The following GNG12 variants were observed in gnomAD, a reference collection of about 807,000 sequenced individuals.
GNG12 encodes G protein subunit gamma 12, also known as guanine nucleotide-binding protein G(I)/G(S)/G(O) subunit gamma-12.
For missense variants in GNG12, 69 were observed against 83.8 expected (o/e 0.82, Z 0.69); for synonymous variants, 28 against 29.7 (o/e 0.94, Z 0.19).
In GNG12 at chr1:67,819,392, G is replaced by C. The variant is rs145602363; in HGVS notation, c.-77+13952C>G. On this transcript the variant is annotated intron_variant, in intron 1 of 3. Coordinates refer to ENST00000370982, the MANE Select transcript of GNG12 (RefSeq NM_018841.6). The stretch of plus-strand genomic sequence containing the variant: ...AGTTGTGTCTTAGGAAAATTCTACA[G>C]ACTGTGATCTTCGTTTACTGAATTC... 1.9e-3 allele frequency among the ~76,000 whole-genome samples: 291 copies of C among 152,292 alleles called. 3 individuals are homozygous for C. Among genetic ancestry groups the C allele is most frequent in the Non-Finnish European group, 2.0e-3 (135 of 68,028 alleles).
chr1:67,712,948 C>T (rs1407857425), intron 2 of GNG12, among the ~76,000 whole-genome samples: 5 of 151,850 alleles, frequency 3.3e-5, no homozygotes, highest in African/African-American at 9.7e-5. Flanking sequence ...AGGCTGGTCT[C>T]GAACTCCTGA....
chr1:67,777,421 TCAAA>T (rs3831923), intron 2 of GNG12, 33 bp downstream of exon 2: 43,096 of 622,612 alleles, frequency 0.069, 1,496 homozygotes, highest in Admixed American at 0.1. Flanking sequence ...AAAAATAAAG[TCAAA>T]CAGTCACTTT....
At chr1:67,717,213 C>T (rs1646330501) in intron 2 of GNG12, among the ~76,000 whole-genome samples, 1 of 152,106 alleles carries the variant, frequency 6.6e-6, no homozygotes, top group South Asian at 2.1e-4. Flanking sequence ...TAAAAAATGT[C>T]AATTTAAAAG....
rs188034024 is a variant in GNG12, at chr1:67,719,102, T to C, written c.-26-11390A>G. ...AGGCAGGCTGATTCCAGAGGCCCGG[T>C]GCAGAACCTCTATTGCTATACTGTC... is the stretch of plus-strand genomic sequence containing the variant. On this transcript the variant is annotated intron_variant, in intron 2 of 3. Coordinates refer to ENST00000370982, the MANE Select transcript of GNG12 (RefSeq NM_018841.6). Among the ~76,000 whole-genome samples, 227 of 152,286 alleles carry C rather than the reference T, an allele frequency of 1.5e-3. 1 individual carries two copies. Among genetic ancestry groups the C allele is most frequent in the African/African-American group, 5.1e-3 (212 of 41,544 alleles).
At chr1:67,766,040 G>A (rs1024511379) in intron 2 of GNG12, among the ~76,000 whole-genome samples, 1 of 151,430 alleles carries the variant, frequency 6.6e-6, no homozygotes, top group Admixed American at 6.6e-5. Context: ...ATAGCTATAA[G>A]AGTATTCAAC....
chr1:67,741,543 C>T (rs371971283), intron 2 of GNG12, among the ~76,000 whole-genome samples: 4 of 152,218 alleles, frequency 2.6e-5, no homozygotes, highest in Admixed American at 1.3e-4. Flanking sequence ...ACAGCTCATT[C>T]TCAGATTCTG....
At chr1:67,808,865 C>A (rs562697442) in intron 1 of GNG12, among the ~76,000 whole-genome samples, 1 of 152,220 alleles carries the variant, frequency 6.6e-6, no homozygotes, top group East Asian at 1.9e-4. Flanking sequence ...TGTCAGTTCT[C>A]CCTAACTTGA....
At chr1:67,757,101 C>T (rs1415709568) in intron 2 of GNG12, among the ~76,000 whole-genome samples, 4 of 152,180 alleles carry the variant, frequency 2.6e-5, no homozygotes. Flanking sequence ...TTTGTATATA[C>T]ATAATGAGAT....
chr1:67,804,450 C>T (rs1030517911), intron 1 of GNG12, among the ~76,000 whole-genome samples: 1 of 152,090 alleles, frequency 6.6e-6, no homozygotes, highest in Non-Finnish European at 1.5e-5. Flanking sequence ...TAACTCTGTC[C>T]AGTTGAGACA....
intron 1 of GNG12, among the ~76,000 whole-genome samples, chr1:67,778,036 T>C (rs1646716309): frequency 6.6e-6 from 1 of 150,894 alleles, no homozygotes; most frequent in Non-Finnish European, 1.5e-5. Context: ...AGCCACATAC[T>C]ATTAAAACAT....
chr1:67,799,023 C>T (rs1022303774), intron 1 of GNG12, among the ~76,000 whole-genome samples: 3 of 151,992 alleles, frequency 2.0e-5, no homozygotes, highest in African/African-American at 2.4e-5. Context: ...TTTCTTAATA[C>T]GTTTCTCTAG....
chr1:67,810,345 G>T (rs1646918022), intron 1 of GNG12, among the ~76,000 whole-genome samples: 1 of 152,164 alleles, frequency 6.6e-6, no homozygotes, highest in Non-Finnish European at 1.5e-5. Flanking sequence ...ATGTCATCAT[G>T]TATTAGTCAA....
chr1:67,795,797 G>A (rs1229985658), intron 1 of GNG12, among the ~76,000 whole-genome samples: 1 of 152,168 alleles, frequency 6.6e-6, no homozygotes, highest in Non-Finnish European at 1.5e-5. Flanking sequence ...AAAAGGATGT[G>A]GAGTGTGAGG....
intron 2 of GNG12, among the ~76,000 whole-genome samples, chr1:67,775,364 C>T (rs1461912571): frequency 1.3e-5 from 2 of 152,178 alleles, no homozygotes; most frequent in Non-Finnish European, 2.9e-5. Context: ...AGTGCAATCA[C>T]ATCAGAATCA....
intron 2 of GNG12, among the ~76,000 whole-genome samples, chr1:67,775,987 G>A (rs1409046015): frequency 1.3e-5 from 2 of 152,158 alleles, no homozygotes; most frequent in Non-Finnish European, 2.9e-5. Context: ...GAAAATGAGT[G>A]GAGAAGCTAG....
intron 2 of GNG12, among the ~76,000 whole-genome samples, chr1:67,763,614 C>T (rs950715284): frequency 6.6e-6 from 1 of 151,842 alleles, no homozygotes; most frequent in African/African-American, 2.4e-5. Context: ...AGCTCTACAG[C>T]CTCAAACTCC....
intron 2 of GNG12, among the ~76,000 whole-genome samples, chr1:67,753,334 T>C (rs897239002): frequency 6.8e-6 from 1 of 147,652 alleles, no homozygotes; most frequent in Non-Finnish European, 1.5e-5. Flanking sequence ...AAGTATATAA[T>C]GTAAATATTC....
intron 2 of GNG12, among the ~76,000 whole-genome samples, chr1:67,719,716 T>C (rs1646346299): frequency 1.3e-5 from 2 of 152,028 alleles, no homozygotes; most frequent in Admixed American, 6.6e-5. Flanking sequence ...CTATAGGAGG[T>C]TGGGTTTATC....
intron 2 of GNG12, among the ~76,000 whole-genome samples, chr1:67,748,597 G>A (rs1284884895): frequency 6.6e-6 from 1 of 152,136 alleles, no homozygotes; most frequent in Non-Finnish European, 1.5e-5. Context: ...CCCTCTAAGA[G>A]TTCCTGAAAT....
Sources: allele counts gnomAD v4.1 joint callset (sites outside exome capture counted in the v4.1 genomes callset), GRCh38; gene constraint gnomAD v4.1.1; transcripts MANE v1.5; gene names NCBI Gene and HGNC (gene_info 2026-07-23, HGNC 2026-07-21).